Variants in ZC3H12D observed in about 807,000 individuals in gnomAD.
ZC3H12D encodes zinc finger CCCH-type containing 12D.
In ZC3H12D, 11 loss-of-function variants were observed where a neutral mutation model predicts 24.2. That is an observed-to-expected ratio of 0.46 (90% CI 0.29 to 0.75). ZC3H12D has a LOEUF of 0.75. Among genes scored for constraint, ZC3H12D ranks in the 30% least tolerant of loss-of-function variants. ZC3H12D has a pLI of 0.11. For missense variants in ZC3H12D, 740 were observed against 767.7 expected, an observed-to-expected ratio of 0.96 and a Z score of 0.43; for synonymous variants, 333 against 341.8, an observed-to-expected ratio of 0.97 and a Z score of 0.28.
At position 149,456,565 on chromosome 6, in the gene ZC3H12D, G is replaced by A; in HGVS notation, c.680+101C>T. On this transcript the variant is annotated intron_variant, in intron 4 of 5. Transcript: ENST00000409806. This position sits in a 1 kb window ranked among gnomAD's most constrained non-coding sequence, Gnocchi z 4.3. ...TGTCTGAGGGGCTGGGTGACCGGGT[G>A]ACCCCAAGCTCCTCCACCTGGTAGC... The A allele has an allele frequency of 9.8e-7, 1 of 1,022,194 alleles. No homozygotes were observed. The allele number at this position is 1,022,194 out of a possible 1,614,324, so 63.3% of individuals were successfully genotyped here.
At chr6:149,469,314 T>C (rs1275738203) in intron 2 of ZC3H12D, among the ~76,000 whole-genome samples, 1 of 152,136 alleles carries the variant, frequency 6.6e-6, no homozygotes, top group Non-Finnish European at 1.5e-5. Context: ...AAAAATTAGC[T>C]GGACGTGGTG....
rs1336613279 is a variant in ZC3H12D, at chr6:149,450,929, G to C, written c.1338C>G (p.Phe446Leu). The change falls in exon 6 of 6, where the codon TTC (phenylalanine) becomes TTG (leucine). Residue 446 changes from phenylalanine to leucine, a missense_variant. Phe to Leu is a conservative substitution (Grantham distance 22). Coordinates refer to ENST00000409806, the MANE Select transcript of ZC3H12D (RefSeq NM_207360.3). ...GCTCCGCCCAGACGGAGCGCCCAGG[G>C]AAGCGGTCGGAGCGGGGTGGACGGG... ...PWARPPRSDR[F>L]PGRSVWAEPA... The C allele has an allele frequency of 8.4e-6, 13 of 1,539,794 alleles. No individual in the cohort carries two copies. In the Admixed American group the frequency reaches 1.8e-4, roughly 21 times the overall value.
chr6:149,451,360 C>A lies in ZC3H12D; in HGVS notation c.907G>T (p.Ala303Ser). The A allele has an allele frequency of 6.7e-7, 1 of 1,487,880 alleles. No individual in the cohort carries two copies. Among genetic ancestry groups the A allele is most frequent in the Non-Finnish European group, 8.9e-7 (1 of 1,128,746 alleles). 92.2% of individuals were successfully genotyped at this position (1,487,880 alleles called of 1,614,324 possible). Residue 303 changes from alanine (A) to serine (S), a missense_variant, in exon 6 of 6, where the codon GCC becomes TCC. Coordinates refer to ENST00000409806, the MANE Select transcript of ZC3H12D (RefSeq NM_207360.3). ...AKTGARPGAG[A>S]EEQRPPRAPG... ...GCTCTCGGTGGCCGCTGCTCCTCGGCGCCCGCGCCAGGCCGGGCCCCTGTC... is the reference window on the plus strand; with the variant it reads ...GCTCTCGGTGGCCGCTGCTCCTCGGAGCCCGCGCCAGGCCGGGCCCCTGTC...
At chr6:149,462,352 C>G (rs1776087795) in intron 2 of ZC3H12D, among the ~76,000 whole-genome samples, 1 of 151,816 alleles carries the variant, frequency 6.6e-6, no homozygotes, top group African/African-American at 2.4e-5. Context: ...CCGGCCTGGG[C>G]AACAGAGGGA....
chr6:149,452,644 TG>T lies in ZC3H12D; in HGVS notation c.758del (p.Pro253GlnfsTer245). ...AAGGACAATGCTGCCAGGATGGCTC[TG>T]GGGGCTTCGGCTTCCTGCTCAGGAA... ...SNFLSRKPKPPEPSWQHCPYG... is the reference protein window; with the variant it reads ...SNFLSRKPKPXEPSWQHCPYG... On this transcript the variant is annotated frameshift_variant, in exon 5 of 6. Coordinates refer to ENST00000409806, the MANE Select transcript of ZC3H12D (RefSeq NM_207360.3). LOFTEE classifies it low-confidence loss of function (END_TRUNC). This position sits in a 1 kb window ranked among gnomAD's most constrained non-coding sequence, Gnocchi z 4.0. The T allele has an allele frequency of 6.2e-7, 1 of 1,602,784 alleles. No individual in the cohort carries two copies. The highest frequency in any genetic ancestry group is 8.5e-7 in the Non-Finnish European group (1 of 1,175,186).
At chr6:149,454,527 G>A (rs548720941) in intron 4 of ZC3H12D, among the ~76,000 whole-genome samples, 165 of 152,314 alleles carry the variant, frequency 1.1e-3, no homozygotes, top group African/African-American at 3.7e-3. Flanking sequence ...CTGGGGAACC[G>A]CCCACTGTGG....
rs1011083337 is a variant in ZC3H12D at position 149,449,571 on chromosome 6, G to A, written c.*1112C>T. On this transcript the variant is annotated 3_prime_UTR_variant, in exon 6 of 6. Transcript: ENST00000409806. ...TCCTGCCTCAGCCTCCTGAGTAGCT[G>A]GGACTACAGGTGTATGCCACCATGC... The A allele has an allele frequency of 2.6e-5, 4 of 152,220 alleles. No homozygotes were observed. The highest frequency in any genetic ancestry group is 1.3e-4 in the Admixed American group (2 of 15,256). 9.4% of individuals were successfully genotyped at this position (152,220 alleles called of 1,614,324 possible).
chr6:149,459,539 C>A (rs1776038861), intron 3 of ZC3H12D: 1 of 715,552 alleles, frequency 1.4e-6, no homozygotes, highest in Non-Finnish European at 2.6e-6. Flanking sequence ...GGAGCCATTG[C>A]CCTGCAGTCT....
intron 1 of ZC3H12D, among the ~76,000 whole-genome samples, chr6:149,478,209 T>A (rs1776371552): frequency 6.6e-6 from 1 of 151,626 alleles, no homozygotes; most frequent in South Asian, 2.1e-4. Flanking sequence ...AATGCTAAGA[T>A]GTAATTTCTG....
intron 2 of ZC3H12D, among the ~76,000 whole-genome samples, chr6:149,462,480 A>C (rs557871952): frequency 6.6e-6 from 1 of 152,350 alleles, no homozygotes; most frequent in Non-Finnish European, 1.5e-5. Flanking sequence ...ATTAACAAGA[A>C]CCACATAGCT....
rs1314404101 is a variant in ZC3H12D, at chr6:149,482,579, G to A, written c.-71+2234C>T. On this transcript the variant is annotated intron_variant, in intron 1 of 5. Coordinates refer to ENST00000409806, the MANE Select transcript of ZC3H12D (RefSeq NM_207360.3). ...CCTGGAAGAGCAGGGAGGAAGGGAGGGGGCCCCACGGCTGGAACAGATCAG... is the reference window on the plus strand; with the variant it reads ...CCTGGAAGAGCAGGGAGGAAGGGAGAGGGCCCCACGGCTGGAACAGATCAG... 3.9e-5 allele frequency among the ~76,000 whole-genome samples: 6 copies of A among 152,190 alleles called. No homozygotes were observed. The East Asian group carries it at 1.2e-3, about 29-fold the overall frequency.
Position 149,456,146 on chromosome 6 carries a change from G to A in ZC3H12D, c.680+520C>T, listed in dbSNP as rs1775976353. On this transcript the variant is annotated intron_variant, in intron 4 of 5. Transcript: ENST00000409806. The surrounding 1 kb of genome is among the most constrained non-coding windows in gnomAD (Gnocchi z 4.3). ...GCGTGCCTATAATCTCAGCTACTCG[G>A]GAGGCTGAGGCAGGAGAATTGCTTG... 1.3e-5 allele frequency among the ~76,000 whole-genome samples: 2 copies of A among 151,856 alleles called. No individual in the cohort carries two copies. Among genetic ancestry groups the A allele is most frequent in the African/African-American group, 4.8e-5 (2 of 41,314 alleles).
At chr6:149,481,375 C>T (rs2115015507) in intron 1 of ZC3H12D, among the ~76,000 whole-genome samples, 1 of 146,750 alleles carries the variant, frequency 6.8e-6, no homozygotes, top group Middle Eastern at 3.5e-3. Flanking sequence ...TGTGGCTTAG[C>T]ATTTTTTTTT....
chr6:149,463,516 C>G (rs142771206), intron 2 of ZC3H12D, among the ~76,000 whole-genome samples: 1,740 of 152,268 alleles, frequency 0.011, 37 homozygotes, highest in African/African-American at 0.04. Context: ...CAAGACCATC[C>G]TGGCCAACAT....
intron 1 of ZC3H12D, among the ~76,000 whole-genome samples, chr6:149,480,311 C>T (rs1038895308): frequency 6.6e-6 from 1 of 152,238 alleles, no homozygotes; most frequent in East Asian, 1.9e-4. Flanking sequence ...GAATACTATG[C>T]AGACATAAAA....
In ZC3H12D at chr6:149,474,481, G is replaced by A; in HGVS notation, c.63C>T (p.Leu21=). The A allele has an allele frequency of 1.9e-6, 3 of 1,581,110 alleles. No homozygotes were observed. Among genetic ancestry groups the A allele is most frequent in the East Asian group, 2.3e-5 (1 of 44,110 alleles). The part of the protein sequence containing the change: ...QKLGYDREDV[L]RVLGKLGEGA... The stretch of plus-strand genomic sequence containing the variant: ...CCTCGCCCAGCTTGCCCAACACCCG[G>A]AGCACATCCTCCCGGTCATAGCCCA... The change falls in exon 2 of 6, where the codon CTC becomes CTT. Residue 21 remains leucine, a synonymous_variant. Coordinates refer to ENST00000409806, the MANE Select transcript of ZC3H12D (RefSeq NM_207360.3).
intron 2 of ZC3H12D, 47 bp from the exon 3 acceptor site, chr6:149,462,017 T>C (rs1315883005): frequency 6.3e-7 from 1 of 1,578,620 alleles, no homozygotes. Flanking sequence ...CAAGTGTTCC[T>C]AAGAGTGATT....
At position 149,460,601 on chromosome 6, in the gene ZC3H12D, G is replaced by A. The variant is rs1055825978; in HGVS notation, c.445+1230C>T. Among the ~76,000 whole-genome samples the A allele has an allele frequency of 1.0e-3, 154 of 152,180 alleles. 1 individual carries two copies. Among genetic ancestry groups the A allele is most frequent in the Non-Finnish European group, 1.8e-3 (122 of 68,034 alleles). ...TGTAATCCCAGCACTTTGGGAGGCAGAGGTGGGTGGATCACCTGAGGTCAG... is the reference window on the plus strand; with the variant it reads ...TGTAATCCCAGCACTTTGGGAGGCAAAGGTGGGTGGATCACCTGAGGTCAG... On this transcript the variant is annotated intron_variant, in intron 3 of 5. Transcript: ENST00000409806.
intron 1 of ZC3H12D, among the ~76,000 whole-genome samples, chr6:149,478,743 T>G (rs1374456130): frequency 6.6e-6 from 1 of 152,110 alleles, no homozygotes; most frequent in Non-Finnish European, 1.5e-5. Context: ...TTTACTCCCT[T>G]AATCTGGCCC....
Sources: gnomAD v4.1 joint callset for allele counts (sites outside exome capture counted in the v4.1 genomes callset) on GRCh38, gnomAD v4.1.1 for gene constraint, Gnocchi (gnomAD v3.1) non-coding constraint, MANE v1.5 for transcripts, NCBI Gene and HGNC (gene_info 2026-07-23, HGNC 2026-07-21) for gene names.